The following RORA variants were observed in gnomAD, a reference collection of about 807,000 sequenced individuals.
RORA encodes RAR related orphan receptor A, also known as nuclear receptor ROR-alpha.
A neutral mutation model predicts 69.5 loss-of-function variants in RORA; 7 were observed. That is an observed-to-expected ratio of 0.10 (90% CI 0.06 to 0.19). RORA has a LOEUF of 0.19. Among genes scored for constraint, RORA ranks in the 10% least tolerant of loss-of-function variants. The probability of loss-of-function intolerance (pLI) is 1.00; values close to 1 mark genes in which losing one functional copy is unlikely to be tolerated. For missense variants in RORA, 457 were observed against 663.0 expected, an observed-to-expected ratio of 0.69 and a Z score of 3.41; for synonymous variants, 261 against 240.8, an observed-to-expected ratio of 1.08 and a Z score of -0.78.
At chr15:60,648,777 C>A (rs1249627182) in intron 2 of RORA, among the ~76,000 whole-genome samples, 1 of 152,180 alleles carries the variant, frequency 6.6e-6, no homozygotes, top group Non-Finnish European at 1.5e-5. Context: ...TGGAAACATC[C>A]TCTTAATTCT....
At chr15:60,803,911 C>T (rs1025850283) in intron 1 of RORA, among the ~76,000 whole-genome samples, 2 of 152,108 alleles carry the variant, frequency 1.3e-5, no homozygotes, top group African/African-American at 4.8e-5. Flanking sequence ...CCTTCTATCT[C>T]CACTCTATAT....
intron 1 of RORA, among the ~76,000 whole-genome samples, chr15:61,104,041 T>A (rs138765061): frequency 2.6e-4 from 39 of 152,260 alleles, no homozygotes; most frequent in African/African-American, 9.4e-4. Flanking sequence ...GAAAGATGAA[T>A]CTTAGATAAA....
At chr15:60,660,026 A>T (rs1447533297) in intron 2 of RORA, among the ~76,000 whole-genome samples, 1 of 152,200 alleles carries the variant, frequency 6.6e-6, no homozygotes, top group Non-Finnish European at 1.5e-5. Context: ...ATTTACTATC[A>T]TCTAAAGAAC....
At chr15:60,564,865 C>A (rs1384002762) in intron 2 of RORA, among the ~76,000 whole-genome samples, 1 of 152,052 alleles carries the variant, frequency 6.6e-6, no homozygotes, top group African/African-American at 2.4e-5. Context: ...GAACGAAAAC[C>A]CTGCAACCAG....
At chr15:60,923,985 C>A (rs910735375) in intron 1 of RORA, among the ~76,000 whole-genome samples, 1 of 152,144 alleles carries the variant, frequency 6.6e-6, no homozygotes, top group African/African-American at 2.4e-5. Context: ...TGTGTGAGCA[C>A]GGGGCAGTGT....
At chr15:61,176,824 T>C (rs923180264) in intron 1 of RORA, among the ~76,000 whole-genome samples, 2 of 152,202 alleles carry the variant, frequency 1.3e-5, no homozygotes, top group African/African-American at 4.8e-5. Flanking sequence ...ACTATTATTA[T>C]TGTTGTTAAA....
intron 1 of RORA, among the ~76,000 whole-genome samples, chr15:60,987,043 T>C (rs1299471053): frequency 6.6e-6 from 1 of 152,244 alleles, no homozygotes; most frequent in Non-Finnish European, 1.5e-5. Context: ...CAAACATTCC[T>C]GGAATAAGAC....
intron 1 of RORA, among the ~76,000 whole-genome samples, chr15:61,120,471 G>A (rs1018357919): frequency 6.6e-6 from 1 of 151,894 alleles, no homozygotes; most frequent in Non-Finnish European, 1.5e-5. Context: ...AGGCCGAGGC[G>A]GGCGGATCAC....
At chr15:60,853,148 A>T in intron 1 of RORA, among the ~76,000 whole-genome samples, 1 of 152,314 alleles carries the variant, frequency 6.6e-6, no homozygotes, top group Middle Eastern at 3.4e-3. Context: ...CACGCTTCCA[A>T]TTAAAAATAC....
Position 61,070,982 on chromosome 15 carries a change from C to T in RORA, c.166+158071G>A, listed in dbSNP as rs73428863. ...TCAGATTACATTCTACTTTTGCTCT[C>T]TCCTCTGTAAATACCCCATTAGTAA... On this transcript the variant is annotated intron_variant, in intron 1 of 10. Transcript: ENST00000335670. Among the ~76,000 whole-genome samples, 1,098 of 151,862 alleles carry T rather than the reference C, an allele frequency of 7.2e-3. 15 individuals are homozygous for T. The highest frequency in any genetic ancestry group is 0.025 in the African/African-American group (1,033 of 41,364).
At chr15:60,507,746 T>TA (rs771786752) in intron 5 of RORA, among the ~76,000 whole-genome samples, 1 of 152,076 alleles carries the variant, frequency 6.6e-6, no homozygotes, top group African/African-American at 2.4e-5. Context: ...TTTTTGCCGA[T>TA]AAAAAAATGA....
intron 1 of RORA, among the ~76,000 whole-genome samples, chr15:61,212,141 T>C (rs1187490744): frequency 6.6e-6 from 1 of 152,152 alleles, no homozygotes; most frequent in Non-Finnish European, 1.5e-5. Flanking sequence ...TATCCACAGC[T>C]ACTATTCATT....
At chr15:60,950,667 C>A (rs1360739657) in intron 1 of RORA, among the ~76,000 whole-genome samples, 6 of 64,078 alleles carry the variant, frequency 9.4e-5, no homozygotes, top group African/African-American at 1.3e-4. Flanking sequence ...GACTTTAAAC[C>A]AACAAAGATC....
At chr15:60,533,732 C>T in intron 2 of RORA, among the ~76,000 whole-genome samples, 1 of 152,170 alleles carries the variant, frequency 6.6e-6, no homozygotes, top group South Asian at 2.1e-4. Flanking sequence ...AACCAGCCTC[C>T]TTACCCTGAT....
At position 60,672,622 on chromosome 15, in the gene RORA, C is replaced by T. The variant is rs1177192578; in HGVS notation, c.196+6035G>A. 2.0e-5 allele frequency among the ~76,000 whole-genome samples: 3 copies of T among 152,216 alleles called. No individual in the cohort carries two copies. The East Asian group carries it at 5.8e-4, about 29-fold the overall frequency. Reference sequence around the variant, plus strand: ...CAATCTACTCTGTTTTGACTCCAGGCTTTGCCCAGCTGGGTGAGCTAACGA... The same window carrying T: ...CAATCTACTCTGTTTTGACTCCAGGTTTTGCCCAGCTGGGTGAGCTAACGA... On this transcript the variant is annotated intron_variant, in intron 2 of 10. Coordinates refer to ENST00000335670, the MANE Select transcript of RORA (RefSeq NM_134261.3).
At position 61,044,731 on chromosome 15, in the gene RORA, T is replaced by C. The variant is rs114638714; in HGVS notation, c.166+184322A>G. On this transcript the variant is annotated intron_variant, in intron 1 of 10. Coordinates refer to ENST00000335670, the MANE Select transcript of RORA (RefSeq NM_134261.3). The stretch of plus-strand genomic sequence containing the variant: ...TGTTCTAGACACTCATCAGGTATGA[T>C]TGCTCCATTTCCCAGCAGCATGTGT... 3.7e-3 allele frequency among the ~76,000 whole-genome samples: 568 copies of C among 152,312 alleles called. 1 individual carries two copies. Among genetic ancestry groups the C allele is most frequent in the African/African-American group, 0.013 (538 of 41,584 alleles).
chr15:60,502,976 G>A (rs17270167), intron 7 of RORA, 109 bp from the exon 8 acceptor site: 113 of 798,836 alleles, frequency 1.4e-4, no homozygotes, highest in East Asian at 7.8e-4. Context: ...GGTGGGTGTC[G>A]TGTGCAGTTT....
At chr15:60,768,864 G>C (rs1172863434) in intron 1 of RORA, among the ~76,000 whole-genome samples, 1 of 152,234 alleles carries the variant, frequency 6.6e-6, no homozygotes, top group Non-Finnish European at 1.5e-5. Context: ...ATTATTTCAA[G>C]AAAGGATGCA....
intron 1 of RORA, among the ~76,000 whole-genome samples, chr15:61,119,086 G>GT (rs11380710): frequency 0.67 from 98,392 of 145,828 alleles, 33,800 homozygotes; most frequent in South Asian, 0.74. Flanking sequence ...ACAGAAGGGG[G>GT]GGGGGGGCGC....
Sources: gnomAD v4.1 joint callset for allele counts (sites outside exome capture counted in the v4.1 genomes callset) on GRCh38, gnomAD v4.1.1 for gene constraint, MANE v1.5 for transcripts, NCBI Gene and HGNC (gene_info 2026-07-23, HGNC 2026-07-21) for gene names.